Variants in CTBP2 observed in about 807,000 individuals in gnomAD.
CTBP2 encodes C-terminal-binding protein 2.
A neutral mutation model predicts 80.3 loss-of-function variants in CTBP2; 30 were observed. That is an observed-to-expected ratio of 0.37 (90% CI 0.28 to 0.51). The LOEUF (loss-of-function observed/expected upper bound fraction) is 0.51. Ranked by LOEUF, CTBP2 falls within the 20% of genes least tolerant of loss-of-function variation. The probability of loss-of-function intolerance (pLI) is 0.93; values close to 1 mark genes in which losing one functional copy is unlikely to be tolerated. For missense variants in CTBP2, 1,212 were observed against 1,375.3 expected (o/e 0.88, Z 1.88); for synonymous variants, 594 against 587.4 (o/e 1.01, Z -0.16).
intron 2 of CTBP2, among the ~76,000 whole-genome samples, chr10:125,042,701 G>T (rs1196920879): frequency 6.6e-6 from 1 of 152,114 alleles, no homozygotes; most frequent in Non-Finnish European, 1.5e-5. Context: ...AAAAACACTC[G>T]GTGGGAGCCT....
chr10:125,012,166 A>G (rs1227046744), intron 1 of CTBP2, among the ~76,000 whole-genome samples: 2 of 152,212 alleles, frequency 1.3e-5, no homozygotes, highest in Non-Finnish European at 2.9e-5. Context: ...GAGACGCGCT[A>G]CGTGTGCGAG....
chr10:125,110,341 A>G (rs1852094229), intron 2 of CTBP2, among the ~76,000 whole-genome samples: 1 of 152,238 alleles, frequency 6.6e-6, no homozygotes, highest in African/African-American at 2.4e-5. Flanking sequence ...AAAAATGGCT[A>G]AAGACATGCC....
chr10:125,139,316 C>A (rs1857425101), intron 1 of CTBP2, among the ~76,000 whole-genome samples: 1 of 145,788 alleles, frequency 6.9e-6, no homozygotes, highest in Admixed American at 7.1e-5. Flanking sequence ...TTCCAGTGAG[C>A]CGAGATTGCA....
chr10:125,003,792 C>T (rs1954863777), intron 1 of CTBP2, among the ~76,000 whole-genome samples: 1 of 152,174 alleles, frequency 6.6e-6, no homozygotes, highest in African/African-American at 2.4e-5. Flanking sequence ...TAGTCCAGCA[C>T]AGGACGGGTC....
At chr10:125,091,408 G>C (rs765891865) in intron 2 of CTBP2, among the ~76,000 whole-genome samples, 4 of 152,200 alleles carry the variant, frequency 2.6e-5, no homozygotes, top group Non-Finnish European at 5.9e-5. Context: ...GCATTGCACT[G>C]TTCCCCTCTT....
At position 124,998,300 on chromosome 10, in the gene CTBP2, G is replaced by A. The variant is rs1953938862; in HGVS notation, c.1979-130C>T. The A allele has an allele frequency of 5.6e-6, 6 of 1,063,722 alleles. No individual in the cohort carries two copies. The Admixed American group carries it at 1.4e-4, about 24-fold the overall frequency. The allele number at this position is 1,063,722 out of a possible 1,614,324, so 65.9% of individuals were successfully genotyped here. Reference sequence around the variant, plus strand: ...GGGAGGCCCACCTTATCGTCTAGCAGACGCGGGGCTGGGCACGTGGGCGGT... The same window carrying A: ...GGGAGGCCCACCTTATCGTCTAGCAAACGCGGGGCTGGGCACGTGGGCGGT... On this transcript the variant is annotated intron_variant, in intron 3 of 8. Transcript: ENST00000309035.
intron 1 of CTBP2, chr10:125,005,705 A>C (rs757316759): frequency 1.2e-6 from 2 of 1,612,772 alleles, no homozygotes; most frequent in African/African-American, 2.7e-5. Context: ...AAAATGGTAC[A>C]ACTGCCAAAT....
At chr10:125,158,041 TA>T (rs1464933861) in intron 1 of CTBP2, among the ~76,000 whole-genome samples, 1 of 152,234 alleles carries the variant, frequency 6.6e-6, no homozygotes. Context: ...TGAAAATGTC[TA>T]ATTAGCATTT....
chr10:125,026,015 T>C (rs1957495178), intron 1 of CTBP2: 3 of 1,513,562 alleles, frequency 2.0e-6, no homozygotes, highest in Non-Finnish European at 2.7e-6. Flanking sequence ...TGTTCAAACT[T>C]CTACAACCCC....
intron 2 of CTBP2, among the ~76,000 whole-genome samples, chr10:125,074,060 G>T (rs552636751): frequency 2.0e-5 from 3 of 152,292 alleles, no homozygotes; most frequent in African/African-American, 7.2e-5. Flanking sequence ...ACAATTATTT[G>T]TGGTGGGGGG....
chr10:125,033,529 G>A (rs1050523631), intron 3 of CTBP2, among the ~76,000 whole-genome samples: 32 of 152,182 alleles, frequency 2.1e-4, no homozygotes, highest in Admixed American at 2.1e-3. Context: ...TTGGGGTTCT[G>A]GTTCACAGTC....
rs1952003262 is a variant in CTBP2 at position 124,985,071 on chromosome 10, T to C, written c.*4447A>G. 1 of 1,185,318 alleles carries C rather than the reference T, an allele frequency of 8.4e-7. No individual in the cohort carries two copies. The highest frequency in any genetic ancestry group is 1.5e-5 in the African/African-American group (1 of 65,404). 73.4% of individuals were successfully genotyped at this position (1,185,318 alleles called of 1,614,324 possible). ...AGTTAGTGTGGTGCTCCAAGCAGAG[T>C]CGACATCATGGAATGAACCAAATCT... On this transcript the variant is annotated 3_prime_UTR_variant, in exon 9 of 9. Coordinates refer to ENST00000309035, the MANE Select transcript of CTBP2 (RefSeq NM_022802.3).
chr10:125,072,099 G>A (rs1488895575), intron 2 of CTBP2, among the ~76,000 whole-genome samples: 1 of 152,158 alleles, frequency 6.6e-6, no homozygotes. Context: ...GGCTCACGAG[G>A]TCAGGAGTTC....
intron 1 of CTBP2, among the ~76,000 whole-genome samples, chr10:125,150,532 C>A (rs115863707): frequency 1.3e-5 from 2 of 152,010 alleles, no homozygotes; most frequent in African/African-American, 4.8e-5. Context: ...CAAGAAGCCT[C>A]GGTCAGCCAC....
intron 1 of CTBP2, among the ~76,000 whole-genome samples, chr10:125,147,268 G>A (rs757786135): frequency 7.9e-5 from 12 of 152,202 alleles, no homozygotes; most frequent in African/African-American, 2.4e-4. Flanking sequence ...AAACCTGAGC[G>A]ACCCTTCTCA....
chr10:125,072,968 T>C (rs1345020485), intron 2 of CTBP2, among the ~76,000 whole-genome samples: 1 of 152,082 alleles, frequency 6.6e-6, no homozygotes, highest in African/African-American at 2.4e-5. Context: ...TTACTAACGG[T>C]TGGATGCAAT....
chr10:125,146,569 C>T (rs1858817988), intron 1 of CTBP2, among the ~76,000 whole-genome samples: 2 of 152,176 alleles, frequency 1.3e-5, no homozygotes, highest in Non-Finnish European at 1.5e-5. Flanking sequence ...AGGCATGAGC[C>T]ACCCCACCTG....
chr10:125,150,359 C>G (rs745532485), intron 1 of CTBP2, among the ~76,000 whole-genome samples: 2 of 152,200 alleles, frequency 1.3e-5, no homozygotes, highest in Non-Finnish European at 2.9e-5. Flanking sequence ...ACACATAACC[C>G]CAGGAGAGTG....
chr10:125,078,105 C>G (rs897334403), intron 2 of CTBP2, among the ~76,000 whole-genome samples: 5 of 152,116 alleles, frequency 3.3e-5, no homozygotes, highest in Non-Finnish European at 7.3e-5. Flanking sequence ...ACGGTGAAAC[C>G]CCGTCTCTAC....
Sources: allele counts gnomAD v4.1 joint callset (sites outside exome capture counted in the v4.1 genomes callset), GRCh38; gene constraint gnomAD v4.1.1; transcripts MANE v1.5; gene names NCBI Gene and HGNC (gene_info 2026-07-23, HGNC 2026-07-21).